ADCY2: variants seen among roughly 807,000 people sequenced by gnomAD.
ADCY2 encodes the protein adenylate cyclase 2.
ADCY2 carries 31 observed loss-of-function variants against 125.2 expected under a neutral mutation model. The ratio of observed to expected loss-of-function variants is 0.25; its 90% CI spans 0.19 to 0.33. ADCY2 has a LOEUF of 0.33. ADCY2 is among the 10% of genes least tolerant of loss of function. The pLI is 1.00. For synonymous variants in ADCY2, 512 were observed against 548.4 expected (o/e 0.93, Z 0.93); for missense variants, 904 against 1,418.2 (o/e 0.64, Z 5.82).
In ADCY2 at chr5:7,606,836, G is replaced by GT. The variant is rs112286074; in HGVS notation, c.571-19323dup. On this transcript the variant is annotated intron_variant, in intron 3 of 24. Coordinates refer to ENST00000338316, the MANE Select transcript of ADCY2 (RefSeq NM_020546.3). The stretch of plus-strand genomic sequence containing the variant: ...ATAAATGCTATAATTCCAAAAGAGT[G>GT]TTTTTTTTAAATATTCCTTTAGAAG... Among the ~76,000 whole-genome samples, 293 of 152,082 alleles carry GT rather than the reference G, an allele frequency of 1.9e-3. 1 individual carries two copies. Among genetic ancestry groups the GT allele is most frequent in the African/African-American group, 6.1e-3 (253 of 41,506 alleles).
At chr5:7,673,328 T>G (rs1740007286) in intron 4 of ADCY2, among the ~76,000 whole-genome samples, 1 of 130,356 alleles carries the variant, frequency 7.7e-6, no homozygotes, top group African/African-American at 2.9e-5. Context: ...GGTCCCAGCA[T>G]CTCAGGAAGC....
intron 11 of ADCY2, among the ~76,000 whole-genome samples, chr5:7,716,477 C>T (rs1309882797): frequency 6.6e-6 from 1 of 152,196 alleles, no homozygotes; most frequent in African/African-American, 2.4e-5. Flanking sequence ...ATCTCAAACA[C>T]CGAGTATATA....
intron 16 of ADCY2, among the ~76,000 whole-genome samples, chr5:7,761,859 A>C (rs1034246996): frequency 3.3e-5 from 5 of 152,200 alleles, no homozygotes; most frequent in African/African-American, 1.2e-4. Flanking sequence ...AGTAGCTACG[A>C]TCCTTTAGAG....
At chr5:7,770,352 A>G (rs927722290) in intron 17 of ADCY2, among the ~76,000 whole-genome samples, 4 of 152,200 alleles carry the variant, frequency 2.6e-5, no homozygotes, top group Non-Finnish European at 5.9e-5. Context: ...ACCCATTGAT[A>G]CATACACACC....
intron 4 of ADCY2, among the ~76,000 whole-genome samples, chr5:7,680,375 C>A (rs964984489): frequency 6.6e-6 from 1 of 152,124 alleles, no homozygotes; most frequent in Non-Finnish European, 1.5e-5. Flanking sequence ...GGGTGAGAAA[C>A]CATGGTTTAG....
At chr5:7,708,818 G>A (rs766137033) in intron 9 of ADCY2, among the ~76,000 whole-genome samples, 1 of 152,056 alleles carries the variant, frequency 6.6e-6, no homozygotes, top group South Asian at 2.1e-4. Context: ...AGAACATTAC[G>A]TTCAGGTAAA....
chr5:7,692,279 C>T (rs1013683152), intron 5 of ADCY2: 6 of 152,126 alleles, frequency 3.9e-5, no homozygotes, highest in African/African-American at 1.4e-4. Flanking sequence ...AAAGACATTG[C>T]TGGGACAAAT....
chr5:7,789,556 T>G, intron 19 of ADCY2, 86 bp from the exon 20 acceptor site: 6 of 1,375,570 alleles, frequency 4.4e-6, no homozygotes, highest in Non-Finnish European at 6.0e-6. Flanking sequence ...TTTCATTTTG[T>G]TCTTTTTGTT....
chr5:7,619,696 A>G (rs947010286), intron 3 of ADCY2, among the ~76,000 whole-genome samples: 2 of 152,226 alleles, frequency 1.3e-5, no homozygotes, highest in African/African-American at 4.8e-5. Context: ...GAAGTCAAAG[A>G]GAGAATGAAC....
intron 15 of ADCY2, among the ~76,000 whole-genome samples, chr5:7,756,476 A>G (rs1742994811): frequency 1.3e-5 from 2 of 152,234 alleles, no homozygotes; most frequent in African/African-American, 4.8e-5. Flanking sequence ...ATAGATCCAT[A>G]CAATGGAGTT....
intron 15 of ADCY2, among the ~76,000 whole-genome samples, chr5:7,753,931 C>T (rs1294793073): frequency 1.3e-5 from 2 of 152,130 alleles, no homozygotes; most frequent in South Asian, 2.1e-4. Context: ...GGAAAGATAC[C>T]GCCTGTCTCC....
chr5:7,430,154 C>G (rs947786320), intron 2 of ADCY2, among the ~76,000 whole-genome samples: 3 of 151,940 alleles, frequency 2.0e-5, no homozygotes, highest in Admixed American at 1.3e-4. Flanking sequence ...AAAACTCATT[C>G]AAGAAGAAAT....
chr5:7,647,477 G>A (rs1462006917), intron 4 of ADCY2, among the ~76,000 whole-genome samples: 1 of 152,018 alleles, frequency 6.6e-6, no homozygotes, highest in Non-Finnish European at 1.5e-5. Flanking sequence ...GCAGAGGTTC[G>A]ACCCCCATCT....
chr5:7,744,879 T>C (rs769478523), intron 15 of ADCY2, among the ~76,000 whole-genome samples: 1 of 152,264 alleles, frequency 6.6e-6, no homozygotes, highest in Non-Finnish European at 1.5e-5. Flanking sequence ...GACTACAGTC[T>C]AGATATTTTC....
At chr5:7,715,655 TG>T (rs1406869973) in intron 11 of ADCY2, among the ~76,000 whole-genome samples, 1 of 152,180 alleles carries the variant, frequency 6.6e-6, no homozygotes, top group Non-Finnish European at 1.5e-5. Context: ...TCAATATCTG[TG>T]GGAGGATCAC....
chr5:7,404,682 G>A (rs1739403892), intron 1 of ADCY2, among the ~76,000 whole-genome samples: 4 of 152,134 alleles, frequency 2.6e-5, no homozygotes, highest in Non-Finnish European at 5.9e-5. Flanking sequence ...GTTGTCTTTG[G>A]TTGCCTTAAA....
At chr5:7,824,645 C>T in intron 24 of ADCY2, among the ~76,000 whole-genome samples, 1 of 152,246 alleles carries the variant, frequency 6.6e-6, no homozygotes. Flanking sequence ...GGACATCTGG[C>T]ACCTGTGCCT....
At chr5:7,770,593 G>T (rs1257203083) in intron 17 of ADCY2, among the ~76,000 whole-genome samples, 1 of 152,152 alleles carries the variant, frequency 6.6e-6, no homozygotes, top group African/African-American at 2.4e-5. Flanking sequence ...AATTCTCCAA[G>T]ATGGGTGTTA....
intron 4 of ADCY2, among the ~76,000 whole-genome samples, chr5:7,644,043 C>T (rs888322419): frequency 6.6e-6 from 1 of 152,020 alleles, no homozygotes; most frequent in African/African-American, 2.4e-5. Flanking sequence ...TCCAGTTTCT[C>T]TTATTTTAAA....
Sources: allele counts gnomAD v4.1 joint callset (sites outside exome capture counted in the v4.1 genomes callset), GRCh38; gene constraint gnomAD v4.1.1; transcripts MANE v1.5; gene names NCBI Gene and HGNC (gene_info 2026-07-23, HGNC 2026-07-21).